The following VPS13D variants were observed in gnomAD, a reference collection of about 807,000 sequenced individuals.
The protein encoded by VPS13D is intermembrane lipid transfer protein VPS13D.
Under a neutral mutation model 461.9 loss-of-function variants are expected in VPS13D, and 187 were observed. The ratio of observed to expected loss-of-function variants is 0.40; its 90% confidence interval spans 0.36 to 0.46. VPS13D has a LOEUF of 0.46. Among genes scored for constraint, VPS13D ranks in the 20% least tolerant of loss-of-function variants. The pLI is 0.60. For missense variants in VPS13D, 4,711 were observed against 5,364.9 expected (o/e 0.88, Z 3.81); for synonymous variants, 1,951 against 1,986.3 (o/e 0.98, Z 0.47).
chr1:12,459,644 A>G (rs1645381225), intron 66 of VPS13D, among the ~76,000 whole-genome samples: 1 of 151,652 alleles, frequency 6.6e-6, no homozygotes, highest in Non-Finnish European at 1.5e-5. Flanking sequence ...ACGCCCAGCT[A>G]ATTTTTGTAT....
chr1:12,382,532 G>A (rs1232479793), intron 57 of VPS13D, among the ~76,000 whole-genome samples: 1 of 152,120 alleles, frequency 6.6e-6, no homozygotes, highest in African/African-American at 2.4e-5. Flanking sequence ...GTTTGGGGAG[G>A]TTTTCAACTC....
chr1:12,478,269 C>T (rs185341838), intron 67 of VPS13D, among the ~76,000 whole-genome samples: 6 of 152,362 alleles, frequency 3.9e-5, no homozygotes, highest in Admixed American at 3.9e-4. Flanking sequence ...GGGAGTGCCG[C>T]GTGGGCCGGC....
chr1:12,274,623 T>C (rs2101349979), intron 18 of VPS13D, among the ~76,000 whole-genome samples: 1 of 152,332 alleles, frequency 6.6e-6, no homozygotes, highest in East Asian at 1.9e-4. Context: ...CAGTGGTGTA[T>C]TTTTATAGTT....
Position 12,385,304 on chromosome 1 carries a change from G to T in VPS13D, c.11415G>T (p.Val3805=), listed in dbSNP as rs1438169468. 6.2e-7 allele frequency: 1 copy of T among 1,613,914 alleles called. No individual in the cohort carries two copies. The highest frequency in any genetic ancestry group is 1.7e-5 in the Admixed American group (1 of 60,010). The change falls in exon 59 of 70, where the codon GTG becomes GTT. Residue 3805 remains valine, a synonymous_variant. Coordinates refer to ENST00000620676, the MANE Select transcript of VPS13D (RefSeq NM_015378.4). ...GGAAAAGCAGCCGTTCATATGAAGT[G>T]GATGAACTTCCTGTCACCGAACAAG... The part of the protein sequence containing the change: ...CHRKSSRSYE[V]DELPVTEQEL...
intron 65 of VPS13D, among the ~76,000 whole-genome samples, chr1:12,424,922 T>A (rs1570146134): frequency 6.6e-6 from 1 of 152,306 alleles, no homozygotes; most frequent in East Asian, 1.9e-4. Context: ...AAGTAGTGGT[T>A]TTCTACCCTA....
rs1646086517 is a variant in VPS13D at position 12,505,051 on chromosome 1, T to C, written c.12795-1802T>C. 6.6e-6 allele frequency among the ~76,000 whole-genome samples: 1 copy of C among 152,148 alleles called. No individual in the cohort carries two copies. Among genetic ancestry groups the C allele is most frequent in the Non-Finnish European group, 1.5e-5 (1 of 68,020 alleles). ...TTTTTCATGCACATTCCTGCTGTCA[T>C]CCCAATCATGGTGGCCAACTTTGGA... On this transcript the variant is annotated intron_variant, in intron 68 of 69. Transcript: ENST00000620676. The surrounding 1 kb of genome is among the most constrained non-coding windows in gnomAD (Gnocchi z 4.2).
At chr1:12,434,569 CGTTT>C (rs1645035001) in intron 65 of VPS13D, among the ~76,000 whole-genome samples, 1 of 152,108 alleles carries the variant, frequency 6.6e-6, no homozygotes, top group Admixed American at 6.5e-5. Context: ...CCTGTACTTT[CGTTT>C]GTTTATTTAG....
intron 44 of VPS13D, among the ~76,000 whole-genome samples, chr1:12,347,801 A>G (rs933926474): frequency 6.6e-6 from 1 of 152,218 alleles, no homozygotes; most frequent in African/African-American, 2.4e-5. Context: ...TAAGAGTAGT[A>G]CTTTCAGACT....
Position 12,333,371 on chromosome 1 carries a change from G to A in VPS13D, c.8428+5G>A, listed in dbSNP as rs767278810. On this transcript the variant is annotated splice_donor_5th_base_variant and intron_variant, in intron 38 of 69. Transcript: ENST00000620676. ...ATATCACTTCTGTGCTAATTGGTGA[G>A]TAGAAAGTTGTCTTTCATAGACTGA... 1.4e-5 allele frequency: 22 copies of A among 1,613,866 alleles called. No individual in the cohort carries two copies. Among genetic ancestry groups the A allele is most frequent in the Non-Finnish European group, 1.8e-5 (21 of 1,179,856 alleles).
chr1:12,261,814 A>G (rs1641117584), intron 12 of VPS13D, 87 bp from the exon 13 acceptor site: 3 of 1,117,330 alleles, frequency 2.7e-6, no homozygotes, highest in African/African-American at 3.1e-5. Context: ...GTTAAATAAC[A>G]TCATCATAAC....
At position 12,299,498 on chromosome 1, in the gene VPS13D, G is replaced by A; in HGVS notation, c.6216+114G>A. 1 of 1,212,128 alleles carries A rather than the reference G, an allele frequency of 8.2e-7. No individual in the cohort carries two copies. The highest frequency in any genetic ancestry group is 1.1e-6 in the Non-Finnish European group (1 of 902,274). The allele number at this position is 1,212,128 out of a possible 1,614,324, so 75.1% of individuals were successfully genotyped here. On this transcript the variant is annotated intron_variant, in intron 25 of 69. Coordinates refer to ENST00000620676, the MANE Select transcript of VPS13D (RefSeq NM_015378.4). This position sits in a 1 kb window ranked among gnomAD's most constrained non-coding sequence, Gnocchi z 4.2. ...AATTGCTATTACTTTTGTAGGGTAT[G>A]TGGCTTGAAGAATTTTTTTTGGCAT...
intron 36 of VPS13D, 121 bp from the exon 37 acceptor site, chr1:12,329,708 T>G: frequency 1.5e-6 from 1 of 667,170 alleles, no homozygotes; most frequent in Non-Finnish European, 2.6e-6. Flanking sequence ...GAACAAAGTA[T>G]CAGAATGTTG....
chr1:12,497,899 CAA>C (rs979899646), intron 68 of VPS13D, among the ~76,000 whole-genome samples: 2 of 152,132 alleles, frequency 1.3e-5, no homozygotes, highest in African/African-American at 4.8e-5. Flanking sequence ...CTAGTTAGTT[CAA>C]AGAGAGAAGA....
At chr1:12,484,208 G>A (rs2100498511) in intron 67 of VPS13D, among the ~76,000 whole-genome samples, 1 of 152,336 alleles carries the variant, frequency 6.6e-6, no homozygotes, top group South Asian at 2.1e-4. Context: ...GCAGGGACCT[G>A]CTTGGGCCAG....
chr1:12,319,726 G>A, intron 32 of VPS13D, 96 bp downstream of exon 32: 2 of 1,547,366 alleles, frequency 1.3e-6, no homozygotes, highest in Non-Finnish European at 8.8e-7. Context: ...ATGAGGGGAA[G>A]GAATTAATGA....
At chr1:12,496,517 T>C (rs1645959003) in intron 67 of VPS13D, among the ~76,000 whole-genome samples, 1 of 152,258 alleles carries the variant, frequency 6.6e-6, no homozygotes, top group Non-Finnish European at 1.5e-5. Context: ...GCTGATTCGA[T>C]GTGTAAGGCT....
rs1036440812 is a variant in VPS13D at position 12,240,879 on chromosome 1, A to T, written c.98-1634A>T. 2.6e-5 allele frequency among the ~76,000 whole-genome samples: 4 copies of T among 151,780 alleles called. No individual in the cohort carries two copies. The South Asian group carries it at 8.4e-4, about 32-fold the overall frequency. On this transcript the variant is annotated intron_variant, in intron 2 of 69. Transcript: ENST00000620676. Reference sequence around the variant, plus strand: ...TGTTCCTGCAAAAATCAACAAATAAATTGATTGTATTTGTTCAGATCCGCC... The same window carrying T: ...TGTTCCTGCAAAAATCAACAAATAATTTGATTGTATTTGTTCAGATCCGCC...
intron 22 of VPS13D, 84 bp downstream of exon 22, chr1:12,288,397 C>G: frequency 1.6e-6 from 2 of 1,236,578 alleles, no homozygotes; most frequent in Non-Finnish European, 2.4e-6. Context: ...ATTGTCCTCA[C>G]GTGCTGAGTA....
At chr1:12,420,958 T>C (rs1365908885) in intron 65 of VPS13D, among the ~76,000 whole-genome samples, 8 of 152,224 alleles carry the variant, frequency 5.3e-5, no homozygotes. Flanking sequence ...TTCAGGTCTA[T>C]AGTGTATCCA....
Sources: gnomAD v4.1 joint callset for allele counts (sites outside exome capture counted in the v4.1 genomes callset) on GRCh38, gnomAD v4.1.1 for gene constraint, Gnocchi (gnomAD v3.1) non-coding constraint, MANE v1.5 for transcripts, NCBI Gene and HGNC (gene_info 2026-07-23, HGNC 2026-07-21) for gene names.